The following DMD variants were observed in gnomAD, a reference collection of about 807,000 sequenced individuals.
DMD encodes dystrophin, also known as mutant dystrophin.
In DMD, 63 loss-of-function variants were observed where a neutral mutation model predicts 330.1. The ratio of observed to expected loss-of-function variants is 0.19; its 90% CI spans 0.16 to 0.24. The LOEUF (loss-of-function observed/expected upper bound fraction) is 0.24, where lower values mean the gene tolerates loss of function less well. DMD is among the 10% of genes least tolerant of loss of function. The pLI, the probability that DMD is intolerant of heterozygous loss-of-function variation, is 1.00. For missense variants in DMD, 3,344 were observed against 2,684.1 expected (o/e 1.25, Z -5.43); for synonymous variants, 1,223 against 959.8 (o/e 1.27, Z -5.07).
intron 7 of DMD, among the ~76,000 whole-genome samples, chrX:32,769,970 G>A (rs187087934): frequency 1.8e-5 from 2 of 111,924 alleles, no homozygotes; most frequent in African/African-American, 6.5e-5. Context: ...CCCTTACTTA[G>A]TACAGACTAT....
intron 67 of DMD, among the ~76,000 whole-genome samples, chrX:31,195,535 A>T (rs964421160): frequency 9.0e-6 from 1 of 111,380 alleles, no homozygotes; most frequent in Non-Finnish European, 1.9e-5. Flanking sequence ...AAAGAACAAG[A>T]TATAAAGTTA....
intron 44 of DMD, among the ~76,000 whole-genome samples, chrX:32,002,348 G>A (rs761211347): frequency 1.2e-4 from 13 of 111,576 alleles, no homozygotes; most frequent in Non-Finnish European, 2.5e-4. Flanking sequence ...TGAGTAAACC[G>A]TTAACAGGGC....
intron 55 of DMD, among the ~76,000 whole-genome samples, chrX:31,554,475 T>C (rs1038769618): frequency 8.9e-6 from 1 of 111,918 alleles, no homozygotes; most frequent in Non-Finnish European, 1.9e-5. Flanking sequence ...GAATCACTAG[T>C]ACTGGGTTTT....
intron 43 of DMD, among the ~76,000 whole-genome samples, chrX:32,223,231 G>A (rs1238911130): frequency 9.0e-6 from 1 of 111,657 alleles, no homozygotes; most frequent in Non-Finnish European, 1.9e-5. Flanking sequence ...GTCTGGTGAG[G>A]GCCTTCCTGC....
intron 2 of DMD, among the ~76,000 whole-genome samples, chrX:32,952,172 C>T (rs1197126285): frequency 4.6e-5 from 5 of 107,635 alleles, no homozygotes; most frequent in East Asian, 5.8e-4. Flanking sequence ...CTCACTCTGT[C>T]GCCCAGGCTG....
At chrX:32,728,576 T>C (rs1318732865) in intron 7 of DMD, among the ~76,000 whole-genome samples, 1 of 111,958 alleles carries the variant, frequency 8.9e-6, no homozygotes, top group African/African-American at 3.2e-5. Context: ...TATTCTAAAG[T>C]GAGTTAAATT....
At chrX:33,317,979 G>A (rs916699032) in intron 1 of DMD, among the ~76,000 whole-genome samples, 1 of 111,175 alleles carries the variant, frequency 9.0e-6, no homozygotes, top group African/African-American at 3.3e-5. Flanking sequence ...ATATAGCTTT[G>A]ATAAAATGAA....
At chrX:32,364,523 A>C in intron 36 of DMD, 59 bp downstream of exon 36, 6 of 1,161,802 alleles carry the variant, frequency 5.2e-6, no homozygotes, top group East Asian at 3.0e-5. Flanking sequence ...TTTAGGACAA[A>C]GATGATTGAA....
Position 32,309,503 on chromosome X carries a change from T to C in DMD, c.6117+579A>G, listed in dbSNP as rs12688713. Reference sequence around the variant, plus strand: ...CCTATTTCATCATCATTATTTGCCTTACTTGAGAATTTAGTAACTTGCTGT... The same window carrying C: ...CCTATTTCATCATCATTATTTGCCTCACTTGAGAATTTAGTAACTTGCTGT... On this transcript the variant is annotated intron_variant, in intron 42 of 78. Transcript: ENST00000357033. Among the ~76,000 whole-genome samples the C allele has an allele frequency of 3.5e-3, 385 of 111,342 alleles. 14 individuals carry two copies. The East Asian group carries it at 0.093, about 27-fold the overall frequency.
intron 26 of DMD, among the ~76,000 whole-genome samples, chrX:32,452,780 T>C (rs776467392): frequency 2.7e-5 from 3 of 111,131 alleles, no homozygotes; most frequent in African/African-American, 6.5e-5. Context: ...GTTTTTCTTG[T>C]CCATTTAGAA....
At position 33,216,857 on chromosome X, in the gene DMD, G is replaced by A. The variant is rs113632918; in HGVS notation, c.7+122402C>T. Among the ~76,000 whole-genome samples the A allele has an allele frequency of 9.8e-3, 1,087 of 111,070 alleles. 15 individuals carry two copies. The highest frequency in any genetic ancestry group is 0.034 in the African/African-American group (1,041 of 30,609). On this transcript the variant is annotated intron_variant, in intron 1 of 17. Coordinates refer to the DMD transcript ENST00000288447. ...GATGGCATATTAATTAGAAAGAACTGAATATGGTAAACGTAAAGTGAACAA... is the reference window on the plus strand; with the variant it reads ...GATGGCATATTAATTAGAAAGAACTAAATATGGTAAACGTAAAGTGAACAA...
At chrX:32,410,420 A>G (rs953487444) in intron 30 of DMD, among the ~76,000 whole-genome samples, 33 of 112,097 alleles carry the variant, frequency 2.9e-4, no homozygotes, top group African/African-American at 9.7e-4. Flanking sequence ...AAGTTAGACA[A>G]TATGGTAAAT....
intron 1 of DMD, among the ~76,000 whole-genome samples, chrX:33,198,257 C>T (rs980002475): frequency 9.0e-5 from 10 of 111,118 alleles, no homozygotes; most frequent in African/African-American, 3.3e-4. Context: ...GCTTTTCCCA[C>T]ATTTTTTTCC....
chrX:31,530,515 T>A (rs188967666), intron 55 of DMD, among the ~76,000 whole-genome samples: 60 of 110,124 alleles, frequency 5.4e-4, no homozygotes, highest in African/African-American at 1.8e-3. Context: ...ATCGAGTAAA[T>A]GATTGGATAC....
At chrX:32,447,558 A>T (rs766783594) in intron 27 of DMD, among the ~76,000 whole-genome samples, 1 of 111,559 alleles carries the variant, frequency 9.0e-6, no homozygotes, top group Non-Finnish European at 1.9e-5. Flanking sequence ...TATTGATCTG[A>T]ATCGTATCTT....
chrX:33,329,878 T>C (rs1362526432), intron 1 of DMD, among the ~76,000 whole-genome samples: 1 of 111,522 alleles, frequency 9.0e-6, no homozygotes, highest in African/African-American at 3.3e-5. Context: ...ACCTATTGAT[T>C]TGTGAACTTT....
At chrX:31,906,077 G>T in intron 47 of DMD, among the ~76,000 whole-genome samples, 1 of 111,368 alleles carries the variant, frequency 9.0e-6, no homozygotes, top group African/African-American at 3.3e-5. Context: ...ATTGAATCAC[G>T]GCGGGCGGTT....
At chrX:32,608,317 G>A (rs1003126927) in intron 12 of DMD, among the ~76,000 whole-genome samples, 2 of 110,317 alleles carry the variant, frequency 1.8e-5, no homozygotes, top group Admixed American at 1.9e-4. Flanking sequence ...TTTAAAAATT[G>A]TAACTGAATA....
intron 60 of DMD, among the ~76,000 whole-genome samples, chrX:31,412,789 TA>T (rs2061702045): frequency 8.9e-6 from 1 of 112,042 alleles, no homozygotes; most frequent in South Asian, 3.7e-4. Context: ...TGAATCAGAT[TA>T]AAAAATGATG....
Sources: gnomAD v4.1 joint callset for allele counts (sites outside exome capture counted in the v4.1 genomes callset) on GRCh38, gnomAD v4.1.1 for gene constraint, MANE v1.5 for transcripts, NCBI Gene and HGNC (gene_info 2026-07-23, HGNC 2026-07-21) for gene names.